DPP6: variants seen among roughly 807,000 people sequenced by gnomAD.
DPP6 encodes the protein dipeptidyl peptidase like 6.
In DPP6, 69 loss-of-function variants were observed where a neutral mutation model predicts 122.6. The ratio of observed to expected loss-of-function variants is 0.56; its 90% confidence interval spans 0.46 to 0.69. DPP6 has a LOEUF of 0.69. Among genes scored for constraint, DPP6 ranks in the 30% least tolerant of loss-of-function variants. The pLI, the probability that DPP6 is intolerant of heterozygous loss-of-function variation, is 0.00. For synonymous variants in DPP6, 418 were observed against 433.1 expected (o/e 0.97, Z 0.43); for missense variants, 928 against 1,116.9 (o/e 0.83, Z 2.41).
chr7:154,581,746 C>T (rs1832082393), intron 5 of DPP6, among the ~76,000 whole-genome samples: 1 of 152,256 alleles, frequency 6.6e-6, no homozygotes, highest in Non-Finnish European at 1.5e-5. Context: ...TGGCCTGAGA[C>T]AGCAGAATAA....
intron 1 of DPP6, among the ~76,000 whole-genome samples, chr7:153,947,676 A>C (rs114468116): frequency 0.045 from 6,777 of 152,172 alleles, 460 homozygotes; most frequent in African/African-American, 0.15. Context: ...CGCAGAGGTC[A>C]TGGGGAAGCG....
At chr7:154,098,428 G>T (rs776822228) in intron 1 of DPP6, among the ~76,000 whole-genome samples, 1 of 152,158 alleles carries the variant, frequency 6.6e-6, no homozygotes, top group Non-Finnish European at 1.5e-5. Context: ...AGGTATCAAA[G>T]AATTTGCGGT....
At chr7:154,519,267 T>C (rs1407554262) in intron 3 of DPP6, among the ~76,000 whole-genome samples, 4 of 152,244 alleles carry the variant, frequency 2.6e-5, no homozygotes, top group African/African-American at 9.6e-5. Flanking sequence ...CAGCATGTTA[T>C]GCTGGAGGAG....
intron 7 of DPP6, among the ~76,000 whole-genome samples, chr7:154,721,503 C>T (rs1194408505): frequency 2.6e-5 from 4 of 152,150 alleles, no homozygotes; most frequent in East Asian, 1.9e-4. Flanking sequence ...AAAATTTACC[C>T]GAAATACATC....
intron 16 of DPP6, among the ~76,000 whole-genome samples, chr7:154,818,205 G>C (rs1312026053): frequency 6.6e-6 from 1 of 152,282 alleles, no homozygotes; most frequent in East Asian, 1.9e-4. Context: ...GACGCAGATT[G>C]AGACTCGGTT....
intron 5 of DPP6, among the ~76,000 whole-genome samples, chr7:154,622,343 G>A (rs1432251752): frequency 1.3e-5 from 2 of 152,164 alleles, no homozygotes; most frequent in African/African-American, 4.8e-5. Flanking sequence ...GAAATAGATG[G>A]GAATTATGCT....
intron 3 of DPP6, among the ~76,000 whole-genome samples, chr7:154,539,741 G>A (rs1205777093): frequency 1.3e-5 from 2 of 152,110 alleles, no homozygotes; most frequent in Non-Finnish European, 1.5e-5. Flanking sequence ...AAACTAAGAT[G>A]TCGTTAAAGA....
chr7:154,232,634 A>G (rs1222069114), intron 1 of DPP6, among the ~76,000 whole-genome samples: 1 of 152,064 alleles, frequency 6.6e-6, no homozygotes, highest in African/African-American at 2.4e-5. Flanking sequence ...CCACATTCAG[A>G]CCCTTTGCAG....
chr7:153,990,985 C>G (rs1293142081), intron 1 of DPP6, among the ~76,000 whole-genome samples: 3 of 152,176 alleles, frequency 2.0e-5, no homozygotes, highest in Admixed American at 2.0e-4. Flanking sequence ...ACAAAGTCCC[C>G]TTGGGATGTG....
At chr7:153,781,812 A>G in the DPP6 span, among the ~76,000 whole-genome samples, 3 of 152,108 alleles carry the variant, frequency 2.0e-5, no homozygotes, top group African/African-American at 7.2e-5. Flanking sequence ...ACACTTGATG[A>G]AAATAAGCAA....
At chr7:154,466,279 A>G (rs1821774175) in intron 2 of DPP6, among the ~76,000 whole-genome samples, 1 of 152,158 alleles carries the variant, frequency 6.6e-6, no homozygotes, top group Non-Finnish European at 1.5e-5. Context: ...GGGTGTGGCA[A>G]ACCACCATGG....
At chr7:153,970,088 A>G (rs563596453) in intron 1 of DPP6, among the ~76,000 whole-genome samples, 1 of 152,346 alleles carries the variant, frequency 6.6e-6, no homozygotes, top group South Asian at 2.1e-4. Flanking sequence ...TCAACAGTTG[A>G]TGGACATTTG....
At chr7:154,131,908 A>G (rs1795302934) in intron 1 of DPP6, among the ~76,000 whole-genome samples, 1 of 152,210 alleles carries the variant, frequency 6.6e-6, no homozygotes, top group Non-Finnish European at 1.5e-5. Flanking sequence ...AAAGTTAAAT[A>G]TTAGCCTGAA....
intron 1 of DPP6, among the ~76,000 whole-genome samples, chr7:154,028,268 T>A (rs1467613299): frequency 6.6e-6 from 1 of 151,982 alleles, no homozygotes; most frequent in Non-Finnish European, 1.5e-5. Flanking sequence ...TTGTTTCATT[T>A]CTGGAGACTG....
In DPP6 at chr7:154,546,698, AAATT is replaced by A. The variant is rs557043911; in HGVS notation, c.552+6081_552+6084del. On this transcript the variant is annotated intron_variant, in intron 4 of 25. Coordinates refer to ENST00000377770, the MANE Select transcript of DPP6 (RefSeq NM_130797.4). ...TTTGAATTTTTATCTCTGTCTCTAA[AAATT>A]AATTAATTCTGACTCCTCACAGAAA... is the stretch of plus-strand genomic sequence containing the variant. Among the ~76,000 whole-genome samples the A allele has an allele frequency of 5.3e-5, 8 of 152,306 alleles. No homozygotes were observed. In the South Asian group the frequency reaches 1.2e-3, roughly 24 times the overall value.
chr7:154,731,840 C>T (rs1279531520), intron 8 of DPP6, among the ~76,000 whole-genome samples: 1 of 152,020 alleles, frequency 6.6e-6, no homozygotes, highest in Non-Finnish European at 1.5e-5. Flanking sequence ...GATTTTGAGG[C>T]CTGTGAGTGA....
chr7:154,361,817 C>T (rs905636628), intron 1 of DPP6, among the ~76,000 whole-genome samples: 1 of 152,230 alleles, frequency 6.6e-6, no homozygotes, highest in African/African-American at 2.4e-5. Flanking sequence ...GCATTATCAT[C>T]CCTGCCTTAC....
chr7:154,711,207 T>A (rs972965309), intron 7 of DPP6, among the ~76,000 whole-genome samples: 3 of 152,182 alleles, frequency 2.0e-5, no homozygotes, highest in African/African-American at 4.8e-5. Flanking sequence ...TCCCCCTTAA[T>A]AATAACATGT....
At chr7:154,235,655 C>A (rs773720922) in intron 1 of DPP6, among the ~76,000 whole-genome samples, 3 of 152,058 alleles carry the variant, frequency 2.0e-5, no homozygotes, top group Non-Finnish European at 2.9e-5. Context: ...TTGCGATTTG[C>A]CCAGTTTGCT....
Sources: gnomAD v4.1 joint callset for allele counts (sites outside exome capture counted in the v4.1 genomes callset) on GRCh38, gnomAD v4.1.1 for gene constraint, MANE v1.5 for transcripts, NCBI Gene and HGNC (gene_info 2026-07-23, HGNC 2026-07-21) for gene names.